The following STAB2 variants were observed in gnomAD, a reference collection of about 807,000 sequenced individuals.
STAB2 encodes stabilin-2.
STAB2 carries 288 observed loss-of-function variants against 338.1 expected under a neutral mutation model. That is an observed-to-expected ratio of 0.85 (90% CI 0.77 to 0.94). The LOEUF (loss-of-function observed/expected upper bound fraction) is 0.94. Among genes scored for constraint, STAB2 ranks in the 40% least tolerant of loss-of-function variants. The probability of loss-of-function intolerance (pLI) is 0.00; values close to 1 mark genes in which losing one functional copy is unlikely to be tolerated. For synonymous variants in STAB2, 1,202 were observed against 1,193.3 expected (o/e 1.01, Z -0.15); for missense variants, 3,141 against 3,210.1 (o/e 0.98, Z 0.52).
chr12:103,695,715 C>T (rs745686775), intron 32 of STAB2, 22 bp from the exon 33 acceptor site: 52 of 1,614,012 alleles, frequency 3.2e-5, no homozygotes, highest in Non-Finnish European at 3.8e-5. Flanking sequence ...CCCTCATGCA[C>T]TCTTGTCTCT....
intron 3 of STAB2, among the ~76,000 whole-genome samples, chr12:103,603,640 A>G (rs1465476009): frequency 1.3e-5 from 2 of 152,186 alleles, no homozygotes; most frequent in Non-Finnish European, 2.9e-5. Context: ...CCTTAAAATG[A>G]AGTAGTGTAA....
chr12:103,642,065 C>G (rs1159132316), intron 9 of STAB2, among the ~76,000 whole-genome samples: 1 of 152,220 alleles, frequency 6.6e-6, no homozygotes, highest in African/African-American at 2.4e-5. Flanking sequence ...ACCACTCCCC[C>G]TGGGGTGACC....
chr12:103,628,553 C>T (rs1299811672), intron 5 of STAB2, among the ~76,000 whole-genome samples: 2 of 152,314 alleles, frequency 1.3e-5, no homozygotes, highest in East Asian at 3.9e-4. Context: ...GGGCCATGCT[C>T]CTTTTGAAGC....
chr12:103,650,583 G>A lies in STAB2; in HGVS notation c.1257+5G>A, dbSNP rs368822911. On this transcript the variant is annotated splice_donor_5th_base_variant and intron_variant, in intron 11 of 68. Coordinates refer to ENST00000388887, the MANE Select transcript of STAB2 (RefSeq NM_017564.10). ...AAGGGACTGAAAGGATTCAATGTGA[G>A]TATTTAAAATGACCCTACACCAAGG... 3 of 1,612,012 alleles carry A rather than the reference G, an allele frequency of 1.9e-6. No individual in the cohort carries two copies. Among genetic ancestry groups the A allele is most frequent in the Non-Finnish European group, 2.5e-6 (3 of 1,178,306 alleles).
intron 28 of STAB2, among the ~76,000 whole-genome samples, chr12:103,689,038 C>T (rs946191585): frequency 2.0e-5 from 3 of 151,630 alleles, no homozygotes; most frequent in African/African-American, 7.3e-5. Flanking sequence ...CCTGGAGATC[C>T]AGTTGTTAAA....
intron 3 of STAB2, among the ~76,000 whole-genome samples, chr12:103,610,330 G>A (rs527599641): frequency 2.6e-5 from 4 of 152,284 alleles, no homozygotes; most frequent in African/African-American, 7.2e-5. Context: ...ACTTGTTTTG[G>A]TTGGTAAGCT....
intron 16 of STAB2, 61 bp downstream of exon 16, chr12:103,660,445 T>G: frequency 2.5e-6 from 4 of 1,576,186 alleles, no homozygotes; most frequent in Non-Finnish European, 2.6e-6. Flanking sequence ...AACTTAGTCT[T>G]GAATTCCAAT....
At chr12:103,596,820 A>G (rs1956882303) in intron 3 of STAB2, among the ~76,000 whole-genome samples, 3 of 152,090 alleles carry the variant, frequency 2.0e-5, no homozygotes, top group African/African-American at 4.8e-5. Flanking sequence ...GTAGCTGGGC[A>G]TGGTGGCATG....
chr12:103,663,400 T>A (rs925184605), intron 18 of STAB2, among the ~76,000 whole-genome samples: 2 of 73,374 alleles, frequency 2.7e-5, no homozygotes, highest in Non-Finnish European at 6.4e-5. Flanking sequence ...TCCTTCTGGA[T>A]TCTGGGGGCT....
chr12:103,681,004 C>A (rs1006251378), intron 25 of STAB2, among the ~76,000 whole-genome samples: 3 of 152,196 alleles, frequency 2.0e-5, no homozygotes, highest in African/African-American at 7.2e-5. Context: ...TTGTGCGAGG[C>A]GACAGACAAA....
chr12:103,766,212 G>A (rs1257098972), intron 68 of STAB2, 74 bp from the exon 69 acceptor site: 2 of 1,588,402 alleles, frequency 1.3e-6, no homozygotes, highest in Admixed American at 3.3e-5. Context: ...CCTCAGACCA[G>A]TGGCCACCAG....
intron 28 of STAB2, among the ~76,000 whole-genome samples, chr12:103,688,509 T>C (rs1593237527): frequency 6.6e-6 from 1 of 152,358 alleles, no homozygotes; most frequent in Non-Finnish European, 1.5e-5. Flanking sequence ...TTTTTGTAAG[T>C]TAACATGACT....
chr12:103,656,175 G>A (rs376549386), intron 15 of STAB2, among the ~76,000 whole-genome samples: 2 of 152,156 alleles, frequency 1.3e-5, no homozygotes, highest in South Asian at 4.1e-4. Context: ...AGAAATAATA[G>A]CCTTAACTTG....
At chr12:103,732,255 G>C (rs532554826) in intron 50 of STAB2, among the ~76,000 whole-genome samples, 1 of 152,320 alleles carries the variant, frequency 6.6e-6, no homozygotes, top group African/African-American at 2.4e-5. Context: ...GTTGCAGTAA[G>C]CTGAGATCGC....
intron 36 of STAB2, chr12:103,704,988 T>C (rs1879215744): frequency 6.0e-6 from 1 of 166,960 alleles, no homozygotes; most frequent in African/African-American, 2.4e-5. Flanking sequence ...CCTTTTATAG[T>C]TGAAGTTGCA....
chr12:103,728,934 T>C lies in STAB2; in HGVS notation c.5021T>C (p.Leu1674Pro). 1.2e-6 allele frequency: 2 copies of C among 1,614,006 alleles called. No homozygotes were observed. Among genetic ancestry groups the C allele is most frequent in the Non-Finnish European group, 1.7e-6 (2 of 1,179,870 alleles). The change falls in exon 48 of 69, where the codon CTG becomes CCG. Residue 1674 changes from leucine (L) to proline (P), a missense_variant. Leu to Pro is a moderately conservative substitution (Grantham distance 98). Coordinates refer to ENST00000388887, the MANE Select transcript of STAB2 (RefSeq NM_017564.10). ...VACHQLLLEN[L>P]KLISNATSLQ... ...TGCCACCAGCTGCTTCTGGAAAACC[T>C]GAAATTGATCTCAAATGCTACTTCC...
intron 9 of STAB2, among the ~76,000 whole-genome samples, chr12:103,648,335 G>C (rs1425473030): frequency 3.3e-5 from 5 of 152,112 alleles, no homozygotes; most frequent in Non-Finnish European, 5.9e-5. Flanking sequence ...AGCTTATTCT[G>C]ATTCAGTCAT....
chr12:103,592,502 AT>A (rs2138531986), intron 2 of STAB2, among the ~76,000 whole-genome samples: 1 of 152,280 alleles, frequency 6.6e-6, no homozygotes, highest in East Asian at 1.9e-4. Flanking sequence ...CAAACTCAAG[AT>A]TGGTTCTTTT....
intron 52 of STAB2, among the ~76,000 whole-genome samples, chr12:103,737,190 A>G (rs1246277251): frequency 6.6e-6 from 1 of 151,936 alleles, no homozygotes; most frequent in Non-Finnish European, 1.5e-5. Flanking sequence ...CCAACCTATC[A>G]CCCACTGCTG....
Sources: gnomAD v4.1 joint callset for allele counts (sites outside exome capture counted in the v4.1 genomes callset) on GRCh38, gnomAD v4.1.1 for gene constraint, MANE v1.5 for transcripts, NCBI Gene and HGNC (gene_info 2026-07-23, HGNC 2026-07-21) for gene names.